Variants in HMSD observed in about 807,000 individuals in gnomAD.
HMSD encodes the protein serpin-like protein HMSD.
In HMSD, 13 loss-of-function variants were observed where a neutral mutation model predicts 10.0. The observed-to-expected ratio is 1.31, with a 90% CI of 0.85 to 2.08. The LOEUF is 2.08. Ranked by LOEUF, HMSD falls within the 30% of genes most tolerant of loss-of-function variation. The probability of loss-of-function intolerance (pLI) is 0.00; values close to 1 mark genes in which losing one functional copy is unlikely to be tolerated. For synonymous variants in HMSD, 51 were observed against 54.2 expected, an observed-to-expected ratio of 0.94 and a Z score of 0.26; for missense variants, 169 against 166.3, an observed-to-expected ratio of 1.02 and a Z score of -0.09.
chr18:63,954,682 G>A lies in HMSD; in HGVS notation c.222+125G>A, dbSNP rs570491134. On this transcript the variant is annotated intron_variant, in intron 3 of 3. Transcript: ENST00000408945. ...AGAACTCCACGCACGAATCTCACAC[G>A]CATCTTGTGATTCAGTTTGATCATC... 288 of 724,434 alleles carry A rather than the reference G, an allele frequency of 4.0e-4. 3 individuals carry two copies. In the African/African-American group the frequency reaches 4.5e-3, roughly 11 times the overall value. The allele number at this position is 724,434 out of a possible 1,614,324, so 44.9% of individuals were successfully genotyped here. A position where few individuals can be genotyped will look rare whatever the true frequency, so the allele number is the denominator to read the frequency against.
chr18:63,950,415 C>CAAAAAAAAAAAAAAA lies in HMSD; in HGVS notation c.-103+1028_-103+1042dup, dbSNP rs562421091. 1.0e-3 allele frequency among the ~76,000 whole-genome samples: 41 copies of CAAAAAAAAAAAAAAA among 39,064 alleles called. 2 individuals are homozygous for CAAAAAAAAAAAAAAA. Among genetic ancestry groups the CAAAAAAAAAAAAAAA allele is most frequent in the African/African-American group, 2.5e-3 (38 of 15,330 alleles). 25.6% of individuals were successfully genotyped at this position (39,064 alleles called of 152,430 possible). A position where few individuals can be genotyped will look rare whatever the true frequency, so the allele number is the denominator to read the frequency against. ...TGAGGGACAAAGCGAGACTCTCTCT[C>CAAAAAAAAAAAAAAA]AAAAAAAAAAAAAAAAAAAAAAAAA... On this transcript the variant is annotated intron_variant, in intron 1 of 3. Coordinates refer to ENST00000408945, the MANE Select transcript of HMSD (RefSeq NM_001123366.2).
Position 63,961,279 on chromosome 18 carries a change from T to C in HMSD, c.*924T>C, listed in dbSNP as rs2050385313. ...ATGAAAATGAATGATAATGGTTTTATCTGTTATAGAAATATAATATAATCA... is the reference window on the plus strand; with the variant it reads ...ATGAAAATGAATGATAATGGTTTTACCTGTTATAGAAATATAATATAATCA... On this transcript the variant is annotated 3_prime_UTR_variant, in exon 4 of 4. Coordinates refer to ENST00000408945, the MANE Select transcript of HMSD (RefSeq NM_001123366.2). 2 of 152,182 alleles carry C rather than the reference T, an allele frequency of 1.3e-5. No homozygotes were observed. The highest frequency in any genetic ancestry group is 2.1e-4 in the South Asian group (1 of 4,824). The allele number at this position is 152,182 out of a possible 1,614,324, so 9.4% of individuals were successfully genotyped here.
At chr18:63,949,898 A>T (rs2050320269) in intron 1 of HMSD, among the ~76,000 whole-genome samples, 1 of 151,020 alleles carries the variant, frequency 6.6e-6, no homozygotes, top group African/African-American at 2.4e-5. Context: ...AAACCAGGAG[A>T]GGCGTTGATA....
chr18:63,957,929 A>G (rs1006248495), intron 3 of HMSD, among the ~76,000 whole-genome samples: 1 of 152,184 alleles, frequency 6.6e-6, no homozygotes, highest in Non-Finnish European at 1.5e-5. Flanking sequence ...ACTTTGTCAA[A>G]TAGTAACTTA....
At chr18:63,952,740 G>T (rs754907846) in intron 1 of HMSD, among the ~76,000 whole-genome samples, 13 of 152,146 alleles carry the variant, frequency 8.5e-5, no homozygotes, top group Middle Eastern at 6.8e-3. Flanking sequence ...TCTTTGAAAT[G>T]GAATTTTTCA....
intron 1 of HMSD, among the ~76,000 whole-genome samples, chr18:63,950,570 G>A (rs1387986479): frequency 1.3e-5 from 2 of 152,002 alleles, no homozygotes; most frequent in African/African-American, 4.8e-5. Context: ...CAGGCACAGT[G>A]GTTACAAAAA....
intron 3 of HMSD, 54 bp downstream of exon 3, chr18:63,954,611 G>A (rs976455351): frequency 6.6e-7 from 1 of 1,504,858 alleles, no homozygotes. Flanking sequence ...GTGGGAAGTA[G>A]GAGAATGAAT....
rs369699952 is a variant in HMSD, at chr18:63,958,550, A to G, written c.223-1608A>G. On this transcript the variant is annotated intron_variant, in intron 3 of 3. Transcript: ENST00000408945. The stretch of plus-strand genomic sequence containing the variant: ...ACCAAATGTTCTGCTTTTATGTGGC[A>G]TAGTGTAGGTTTCTGTTAAGATCAT... Among the ~76,000 whole-genome samples the G allele has an allele frequency of 2.6e-4, 40 of 152,296 alleles. No individual in the cohort carries two copies. The South Asian group carries it at 8.3e-3, about 32-fold the overall frequency.
intron 1 of HMSD, among the ~76,000 whole-genome samples, chr18:63,950,810 T>C (rs1002965194): frequency 1.1e-4 from 16 of 152,118 alleles, no homozygotes; most frequent in African/African-American, 3.9e-4. Flanking sequence ...TAAAAAGCAG[T>C]ATGACCTGAA....
intron 3 of HMSD, among the ~76,000 whole-genome samples, chr18:63,955,033 C>T (rs1373447322): frequency 6.6e-6 from 1 of 152,096 alleles, no homozygotes; most frequent in Non-Finnish European, 1.5e-5. Flanking sequence ...AGAAAAGTAC[C>T]GAAGTAATTT....
chr18:63,954,459 T>C lies in HMSD; in HGVS notation c.124T>C (p.Phe42Leu), dbSNP rs750704640. ...TGAAGATGGAGATATTCATCGAGGT[T>C]TTCAGTCACTTCTTGTTGCAATTAA... ...GGEDGDIHRGFQSLLVAINRT... is the reference protein window; with the variant it reads ...GGEDGDIHRGLQSLLVAINRT... The change falls in exon 3 of 4, where the codon TTT (phenylalanine) becomes CTT (leucine). Residue 42 changes from phenylalanine (F) to leucine (L), a missense_variant. Physicochemically the swap from Phe to Leu is conservative, Grantham distance 22 (BLOSUM62 0). Coordinates refer to ENST00000408945, the MANE Select transcript of HMSD (RefSeq NM_001123366.2). The C allele has an allele frequency of 6.2e-7, 1 of 1,613,714 alleles. No individual in the cohort carries two copies. The highest frequency in any genetic ancestry group is 1.1e-5 in the South Asian group (1 of 91,060).
At chr18:63,950,715 A>T (rs1208456543) in intron 1 of HMSD, among the ~76,000 whole-genome samples, 4 of 151,244 alleles carry the variant, frequency 2.6e-5, no homozygotes, top group Non-Finnish European at 5.9e-5. Context: ...TGGCAAAAAA[A>T]AGAAAAAAGC....
intron 3 of HMSD, 53 bp downstream of exon 3, chr18:63,954,610 A>G (rs2050348677): frequency 6.6e-7 from 1 of 1,505,948 alleles, no homozygotes; most frequent in Admixed American, 1.8e-5. Flanking sequence ...GGTGGGAAGT[A>G]GGAGAATGAA....
downstream of HMSD, among the ~76,000 whole-genome samples, chr18:63,963,099 TTCTTTC>T (rs1466642435): frequency 2.3e-5 from 3 of 132,400 alleles, no homozygotes; most frequent in Non-Finnish European, 4.7e-5. Flanking sequence ...CTTTCTTTCT[TTCTTTC>T]TTTCTTTCTT....
At chr18:63,954,842 A>T (rs534849952) in intron 3 of HMSD, among the ~76,000 whole-genome samples, 2 of 152,336 alleles carry the variant, frequency 1.3e-5, no homozygotes, top group South Asian at 2.1e-4. Flanking sequence ...GGTGAAAATG[A>T]CTGTTTCTCG....
intron 3 of HMSD, among the ~76,000 whole-genome samples, chr18:63,967,829 G>C (rs533259783): frequency 2.6e-5 from 4 of 152,288 alleles, no homozygotes; most frequent in East Asian, 1.9e-4. Flanking sequence ...CAGTGGGCCA[G>C]GGTGGAGTGG....
intron 1 of HMSD, among the ~76,000 whole-genome samples, chr18:63,950,060 G>A (rs1164005072): frequency 1.3e-5 from 2 of 152,178 alleles, no homozygotes; most frequent in African/African-American, 4.8e-5. Context: ...AAACCAGTAT[G>A]TGTTAATTGA....
chr18:63,952,934 A>G (rs552875507), intron 1 of HMSD, among the ~76,000 whole-genome samples: 5 of 152,360 alleles, frequency 3.3e-5, no homozygotes, highest in East Asian at 1.9e-4. Context: ...TTGGAAATCA[A>G]TAGTTTTTCT....
downstream of HMSD, among the ~76,000 whole-genome samples, chr18:63,965,214 G>A (rs2050404878): frequency 6.6e-6 from 1 of 152,136 alleles, no homozygotes. Flanking sequence ...ATTAAAAACT[G>A]AAAATTCTGA....
Sources: gnomAD v4.1 joint callset for allele counts (sites outside exome capture counted in the v4.1 genomes callset) on GRCh38, gnomAD v4.1.1 for gene constraint, MANE v1.5 for transcripts, NCBI Gene and HGNC (gene_info 2026-07-23, HGNC 2026-07-21) for gene names.